Variants in C13orf46 observed in about 807,000 individuals in gnomAD.
C13orf46 encodes the protein chromosome 13 open reading frame 46.
chr13:113,953,221 T>C (rs994587767), downstream of C13orf46, among the ~76,000 whole-genome samples: 15 of 152,090 alleles, frequency 9.9e-5, no homozygotes, highest in South Asian at 6.2e-4. Context: ...CTGATGGGAG[T>C]TGGGGCCCAA....
rs1297003913 is a variant in C13orf46, at chr13:113,965,931, G to GATT, written c.505-940_505-938dup. The stretch of plus-strand genomic sequence containing the variant: ...CGATGGTGATGGTGACAATGATGAT[G>GATT]ATTATGATGGTGATGATGATGGTGA... On this transcript the variant is annotated intron_variant, in intron 5 of 6. Coordinates refer to ENST00000636427, the MANE Select transcript of C13orf46 (RefSeq NM_001365455.2). 3.3e-5 allele frequency among the ~76,000 whole-genome samples: 5 copies of GATT among 150,432 alleles called. No homozygotes were observed. The East Asian group carries it at 5.9e-4, about 18-fold the overall frequency.
At position 113,969,927 on chromosome 13, in the gene C13orf46, G is replaced by C. The variant is rs967972933; in HGVS notation, c.242+244C>G. Among the ~76,000 whole-genome samples the C allele has an allele frequency of 7.9e-5, 12 of 152,240 alleles. No homozygotes were observed. In the East Asian group the frequency reaches 2.3e-3, roughly 29 times the overall value. ...CTCAGGCCAGGGCCCGAGTCCTGAGGACACCACCCCGCTACAGGTGGGTCC... is the reference window on the plus strand; with the variant it reads ...CTCAGGCCAGGGCCCGAGTCCTGAGCACACCACCCCGCTACAGGTGGGTCC... On this transcript the variant is annotated intron_variant, in intron 2 of 6. Transcript: ENST00000636427.
chr13:113,945,620 G>GAA, the C13orf46 span, among the ~76,000 whole-genome samples: 2 of 119,618 alleles, frequency 1.7e-5, no homozygotes, highest in South Asian at 2.7e-4. Context: ...AAGAAAGAAA[G>GAA]AAAGAAAGAA....
chr13:113,971,902 G>T (rs977242718), intron 1 of C13orf46, among the ~76,000 whole-genome samples: 3 of 152,234 alleles, frequency 2.0e-5, no homozygotes, highest in Non-Finnish European at 2.9e-5. Flanking sequence ...GTTGTCTGGG[G>T]GCAGCCACAA....
At chr13:113,932,237 T>C in the C13orf46 span, among the ~76,000 whole-genome samples, 1 of 152,362 alleles carries the variant, frequency 6.6e-6, no homozygotes, top group East Asian at 1.9e-4. Context: ...ACAGTCTTTC[T>C]GTGGACGTTC....
downstream of C13orf46, among the ~76,000 whole-genome samples, chr13:113,950,216 A>C (rs1205078813): frequency 0.5 from 57,085 of 115,280 alleles, 13,402 homozygotes; most frequent in East Asian, 0.54. Context: ...CTGCCTTGGG[A>C]ACCTCGGTGC....
At position 113,956,096 on chromosome 13, in the gene C13orf46, A is replaced by G. The variant is rs2052529770; in HGVS notation, c.*677T>C. On this transcript the variant is annotated 3_prime_UTR_variant, in exon 7 of 7. Coordinates refer to ENST00000636427, the MANE Select transcript of C13orf46 (RefSeq NM_001365455.2). ...GTAGGATCTGGCGGAGAGGTGGAGT[A>G]GTATCTGGCGGAGAGGAGGAGTAGG... is the stretch of plus-strand genomic sequence containing the variant. 6.3e-6 allele frequency: 1 copy of G among 158,542 alleles called. No individual in the cohort carries two copies. The highest frequency in any genetic ancestry group is 2.5e-5 in the African/African-American group (1 of 40,528). The allele number at this position is 158,542 out of a possible 1,614,324, so 9.8% of individuals were successfully genotyped here.
At chr13:113,928,918 A>C in the C13orf46 span, 1 of 152,420 alleles carries the variant, frequency 6.6e-6, no homozygotes, top group Non-Finnish European at 1.5e-5. Context: ...TGAGCTTGGC[A>C]GGGGAGAACT....
At chr13:113,934,819 G>A in the C13orf46 span, among the ~76,000 whole-genome samples, 2 of 152,216 alleles carry the variant, frequency 1.3e-5, no homozygotes, top group Non-Finnish European at 2.9e-5. Flanking sequence ...CCTCTAACGG[G>A]CCCCACTTGG....
the C13orf46 span, among the ~76,000 whole-genome samples, chr13:113,935,390 T>G: frequency 2.6e-5 from 4 of 152,248 alleles, no homozygotes; most frequent in Admixed American, 1.3e-4. Context: ...CAAGAAATGC[T>G]TGGCCTGTTT....
the C13orf46 span, among the ~76,000 whole-genome samples, chr13:113,935,300 G>T: frequency 6.6e-6 from 1 of 152,240 alleles, no homozygotes; most frequent in Admixed American, 6.5e-5. Flanking sequence ...AAGCCACTGG[G>T]AGGGGCGACT....
intron 5 of C13orf46, among the ~76,000 whole-genome samples, 155 bp downstream of exon 5, chr13:113,967,186 T>C (rs2052658366): frequency 6.6e-6 from 1 of 152,196 alleles, no homozygotes; most frequent in Non-Finnish European, 1.5e-5. Context: ...GGAGCTCTCC[T>C]GGAGCTGCTG....
At chr13:113,972,493 C>T (rs1378473405) in intron 1 of C13orf46, among the ~76,000 whole-genome samples, 1 of 152,154 alleles carries the variant, frequency 6.6e-6, no homozygotes, top group African/African-American at 2.4e-5. Flanking sequence ...CTGCCGAGGC[C>T]GCGGGAGGGG....
At chr13:113,964,840 C>T (rs1166617662) in intron 6 of C13orf46, 87 bp downstream of exon 6, 4 of 152,268 alleles carry the variant, frequency 2.6e-5, no homozygotes, top group Non-Finnish European at 4.4e-5. Flanking sequence ...GCCCACCACA[C>T]ACAAGGCATG....
At chr13:113,931,038 G>A in the C13orf46 span, among the ~76,000 whole-genome samples, 115 of 152,298 alleles carry the variant, frequency 7.6e-4, no homozygotes, top group African/African-American at 2.6e-3. Context: ...AGGGACCCGG[G>A]GTTCTTGTGT....
intron 4 of C13orf46, among the ~76,000 whole-genome samples, chr13:113,967,664 G>T (rs1223045124): frequency 2.0e-5 from 3 of 152,172 alleles, no homozygotes; most frequent in Non-Finnish European, 4.4e-5. Context: ...TCCCATCAGG[G>T]CCCTGAGACC....
intron 6 of C13orf46, among the ~76,000 whole-genome samples, chr13:113,957,810 C>A (rs2052552277): frequency 7.4e-6 from 1 of 135,264 alleles, no homozygotes; most frequent in African/African-American, 2.8e-5. Flanking sequence ...TTTCATCAAG[C>A]ACACTGGTGG....
At chr13:113,935,645 C>A in the C13orf46 span, among the ~76,000 whole-genome samples, 1 of 152,252 alleles carries the variant, frequency 6.6e-6, no homozygotes, top group Non-Finnish European at 1.5e-5. Flanking sequence ...CAGCCACTGG[C>A]AACACCACTC....
At chr13:113,943,259 G>A in the C13orf46 span, among the ~76,000 whole-genome samples, 1 of 152,220 alleles carries the variant, frequency 6.6e-6, no homozygotes, top group Non-Finnish European at 1.5e-5. Context: ...GGTGGTCAGA[G>A]AGTAGCTTGC....
Sources: gnomAD v4.1 joint callset for allele counts (sites outside exome capture counted in the v4.1 genomes callset) on GRCh38, gnomAD v4.1.1 for gene constraint, MANE v1.5 for transcripts, NCBI Gene and HGNC (gene_info 2026-07-23, HGNC 2026-07-21) for gene names.